The following DPYD variants were observed in gnomAD, a reference collection of about 807,000 sequenced individuals.
The protein encoded by DPYD is dihydropyrimidine dehydrogenase [NADP(+)].
DPYD carries 109 observed loss-of-function variants against 116.2 expected under a neutral mutation model. The ratio of observed to expected loss-of-function variants is 0.94; its 90% CI spans 0.80 to 1.10. DPYD has a LOEUF of 1.10. Ranked by LOEUF, DPYD falls within the 50% of genes least tolerant of loss-of-function variation. The pLI, the probability that DPYD is intolerant of heterozygous loss-of-function variation, is 0.00. For synonymous variants in DPYD, 440 were observed against 432.0 expected, an observed-to-expected ratio of 1.02 and a Z score of -0.23; for missense variants, 1,302 against 1,254.5, an observed-to-expected ratio of 1.04 and a Z score of -0.57.
chr1:97,706,431 A>C (rs150410648), intron 5 of DPYD, among the ~76,000 whole-genome samples: 19 of 152,172 alleles, frequency 1.2e-4, no homozygotes, highest in African/African-American at 4.1e-4. Context: ...GGTTTGCACA[A>C]ATTTATTATG....
intron 16 of DPYD, among the ~76,000 whole-genome samples, chr1:97,337,466 C>T (rs922437647): frequency 1.3e-5 from 2 of 152,102 alleles, no homozygotes; most frequent in Admixed American, 1.3e-4. Context: ...TCTGCCCTGA[C>T]CACCACATGC....
chr1:97,822,760 A>G (rs1468139443), intron 3 of DPYD, among the ~76,000 whole-genome samples: 1 of 152,092 alleles, frequency 6.6e-6, no homozygotes, highest in East Asian at 1.9e-4. Flanking sequence ...CATCTCTAGC[A>G]CTCAAAAACT....
chr1:97,223,055 T>C (rs1239884567), intron 19 of DPYD, among the ~76,000 whole-genome samples: 1 of 152,092 alleles, frequency 6.6e-6, no homozygotes, highest in Non-Finnish European at 1.5e-5. Context: ...AGCCTCTGTG[T>C]ATATTATGAC....
At chr1:97,657,980 G>A (rs1371728229) in intron 8 of DPYD, among the ~76,000 whole-genome samples, 1 of 152,104 alleles carries the variant, frequency 6.6e-6, no homozygotes, top group Admixed American at 6.5e-5. Flanking sequence ...CCAATAGATA[G>A]TTGAAATAGA....
At chr1:97,409,563 G>A (rs1673860412) in intron 14 of DPYD, among the ~76,000 whole-genome samples, 1 of 152,142 alleles carries the variant, frequency 6.6e-6, no homozygotes, top group South Asian at 2.1e-4. Flanking sequence ...AAAAGTCAAG[G>A]ACTTGTAAAA....
intron 20 of DPYD, among the ~76,000 whole-genome samples, chr1:97,104,415 C>A (rs1173743989): frequency 6.6e-6 from 1 of 151,974 alleles, no homozygotes; most frequent in Non-Finnish European, 1.5e-5. Context: ...TTATAAGGAG[C>A]CAGACACTTG....
intron 14 of DPYD, among the ~76,000 whole-genome samples, chr1:97,444,723 T>G (rs1471030506): frequency 3.9e-5 from 6 of 152,150 alleles, no homozygotes; most frequent in African/African-American, 1.4e-4. Flanking sequence ...TTAAAGCTTC[T>G]TATAAGGAGA....
intron 19 of DPYD, among the ~76,000 whole-genome samples, chr1:97,223,586 A>G (rs1660918322): frequency 6.6e-6 from 1 of 152,096 alleles, no homozygotes; most frequent in Non-Finnish European, 1.5e-5. Context: ...TTCAGTGAAA[A>G]AAGTCATATA....
chr1:97,746,774 C>T (rs967872442), intron 3 of DPYD, among the ~76,000 whole-genome samples: 11 of 151,940 alleles, frequency 7.2e-5, no homozygotes, highest in African/African-American at 2.2e-4. Context: ...AAGAAAGTAG[C>T]GTCAGTACTT....
chr1:97,754,942 G>A (rs1571305505), intron 3 of DPYD, among the ~76,000 whole-genome samples: 1 of 152,186 alleles, frequency 6.6e-6, no homozygotes, highest in African/African-American at 2.4e-5. Context: ...GTATTTATTT[G>A]TTTCTTCGGG....
intron 14 of DPYD, among the ~76,000 whole-genome samples, chr1:97,391,399 A>G (rs549893005): frequency 2.2e-4 from 34 of 152,160 alleles, no homozygotes; most frequent in Admixed American, 7.2e-4. Context: ...TCAGAAAACT[A>G]GGAATACCTA....
intron 9 of DPYD, among the ~76,000 whole-genome samples, chr1:97,594,209 T>C (rs1654720379): frequency 6.6e-6 from 1 of 152,212 alleles, no homozygotes; most frequent in South Asian, 2.1e-4. Context: ...TTTCAATAAG[T>C]GTAATCATTT....
chr1:97,158,521 A>T (rs1454677393), intron 20 of DPYD, among the ~76,000 whole-genome samples: 3 of 144,998 alleles, frequency 2.1e-5, no homozygotes, highest in African/African-American at 7.8e-5. Flanking sequence ...ACACACACAC[A>T]CACTCTATCC....
intron 20 of DPYD, among the ~76,000 whole-genome samples, chr1:97,126,054 T>G (rs188569866): frequency 3.7e-4 from 57 of 152,260 alleles, no homozygotes; most frequent in African/African-American, 1.2e-3. Context: ...TTGAGATTAA[T>G]AGTACAATGA....
intron 8 of DPYD, among the ~76,000 whole-genome samples, chr1:97,608,941 A>G (rs952879566): frequency 3.3e-5 from 5 of 151,886 alleles, no homozygotes; most frequent in African/African-American, 7.2e-5. Context: ...ACTATATAAT[A>G]CATACCAATT....
At chr1:97,098,358 G>T in intron 21 of DPYD, 131 bp downstream of exon 21, 1 of 1,110,312 alleles carries the variant, frequency 9.0e-7, no homozygotes, top group East Asian at 2.6e-5. Context: ...ATGGACAGAT[G>T]TTTTTAAAAC....
At chr1:97,626,675 T>TA (rs1363810947) in intron 8 of DPYD, among the ~76,000 whole-genome samples, 2 of 152,072 alleles carry the variant, frequency 1.3e-5, no homozygotes, top group African/African-American at 4.8e-5. Flanking sequence ...GTGGGAAAGA[T>TA]AAAGTCTTAG....
chr1:97,311,349 A>G (rs1476598295), intron 16 of DPYD, among the ~76,000 whole-genome samples: 4 of 151,904 alleles, frequency 2.6e-5, no homozygotes, highest in East Asian at 1.9e-4. Flanking sequence ...ACTTCGTTCA[A>G]CATAGCATAC....
intron 21 of DPYD, among the ~76,000 whole-genome samples, chr1:97,089,013 T>C (rs919453228): frequency 2.0e-5 from 3 of 152,196 alleles, no homozygotes; most frequent in Non-Finnish European, 4.4e-5. Context: ...CAGTTTTATC[T>C]GAGTACTCTT....
Sources: gnomAD v4.1 joint callset for allele counts (sites outside exome capture counted in the v4.1 genomes callset) on GRCh38, gnomAD v4.1.1 for gene constraint, MANE v1.5 for transcripts, NCBI Gene and HGNC (gene_info 2026-07-23, HGNC 2026-07-21) for gene names.